LCK: variants seen among roughly 807,000 people sequenced by gnomAD.
The protein encoded by LCK is LCK proto-oncogene, Src family tyrosine kinase, also known as tyrosine-protein kinase Lck.
In LCK, 14 loss-of-function variants were observed where a neutral mutation model predicts 64.6. The observed-to-expected ratio is 0.22, with a 90% CI of 0.14 to 0.34. The LOEUF (loss-of-function observed/expected upper bound fraction) is 0.34. Ranked by LOEUF, LCK falls within the 10% of genes least tolerant of loss-of-function variation. The pLI, the probability that LCK is intolerant of heterozygous loss-of-function variation, is 1.00. For missense variants in LCK, 434 were observed against 668.1 expected (o/e 0.65, Z 3.86); for synonymous variants, 277 against 263.6 (o/e 1.05, Z -0.49).
chr1:32,257,888 A>G (rs895822264), intron 1 of LCK, among the ~76,000 whole-genome samples: 2 of 152,182 alleles, frequency 1.3e-5, no homozygotes, highest in African/African-American at 4.8e-5. Context: ...TTCTATGTTC[A>G]AGACACTCCC....
intron 1 of LCK, among the ~76,000 whole-genome samples, chr1:32,260,162 C>A (rs1396119202): frequency 2.0e-5 from 3 of 151,974 alleles, no homozygotes; most frequent in Non-Finnish European, 4.4e-5. Flanking sequence ...CAGGTGTGCA[C>A]CACCACGTTC....
At chr1:32,281,993 C>A (rs1439367620) in intron 12 of LCK, among the ~76,000 whole-genome samples, 1 of 152,126 alleles carries the variant, frequency 6.6e-6, no homozygotes, top group Non-Finnish European at 1.5e-5. Context: ...TTGCTTGAAC[C>A]CAGGAGGCAG....
chr1:32,280,016 G>T (rs762679723), intron 11 of LCK, 22 bp downstream of exon 11: 29 of 1,613,844 alleles, frequency 1.8e-5, no homozygotes, highest in Non-Finnish European at 2.5e-5. Context: ...ATTTAAGGGT[G>T]GTCTGGGCCC....
At chr1:32,253,692 C>A (rs1015517433) in intron 1 of LCK, among the ~76,000 whole-genome samples, 3 of 152,164 alleles carry the variant, frequency 2.0e-5, no homozygotes, top group Admixed American at 6.5e-5. Flanking sequence ...CCTTGGTGGG[C>A]CAGTGAACCA....
chr1:32,273,780 T>C (rs919276953), intron 1 of LCK, among the ~76,000 whole-genome samples: 1 of 152,080 alleles, frequency 6.6e-6, no homozygotes, highest in Non-Finnish European at 1.5e-5. Context: ...CCCTGTGAGA[T>C]GACTGTGGGC....
intron 1 of LCK, among the ~76,000 whole-genome samples, chr1:32,272,700 TTAAG>T (rs1226533948): frequency 1.3e-5 from 2 of 150,152 alleles, no homozygotes; most frequent in Non-Finnish European, 3.0e-5. Flanking sequence ...TACAAAGGCA[TTAAG>T]TAAGAAAATA....
At position 32,276,063 on chromosome 1, in the gene LCK, A is replaced by C; in HGVS notation, c.631A>C (p.Asn211His). 6.2e-7 allele frequency: 1 copy of C among 1,613,812 alleles called. No homozygotes were observed. Among genetic ancestry groups the C allele is most frequent in the African/African-American group, 1.3e-5 (1 of 74,946 alleles). The change falls in exon 7 of 13, where the codon AAT (asparagine) becomes CAT (histidine). Residue 211 changes from asparagine (N) to histidine (H), a missense_variant and splice_region_variant. Physicochemically the swap from Asn to His is moderately conservative, Grantham distance 68. Around this residue, in one of 2 missense-constraint regions of LCK, gnomAD observed 233 missense variants for 291.2 expected, o/e 0.80. Transcript: ENST00000336890. The surrounding 1 kb of genome is among the most constrained non-coding windows in gnomAD (Gnocchi z 4.6). ...GCATGAACTGGTCCGCCATTACACCAGTGAGCCCGACGGGACCCCTCCCCC... is the reference window on the plus strand; with the variant it reads ...GCATGAACTGGTCCGCCATTACACCCGTGAGCCCGACGGGACCCCTCCCCC... ...GLHELVRHYT[N>H]ASDGLCTRLS... is the part of the protein sequence containing the mutation.
chr1:32,271,842 C>T (rs980392823), intron 1 of LCK, among the ~76,000 whole-genome samples: 1 of 152,164 alleles, frequency 6.6e-6, no homozygotes, highest in Admixed American at 6.6e-5. Context: ...TGAACCCCCA[C>T]TCTCATCAAA....
chr1:32,255,671 C>A (rs1639612387), intron 1 of LCK, among the ~76,000 whole-genome samples: 1 of 152,126 alleles, frequency 6.6e-6, no homozygotes, highest in Non-Finnish European at 1.5e-5. Flanking sequence ...AATGAAGTGA[C>A]CCACCAGAGG....
chr1:32,275,769 C>T lies in LCK; in HGVS notation c.481+97C>T, dbSNP rs1259735633. The T allele has an allele frequency of 3.8e-6, 5 of 1,331,618 alleles. No individual in the cohort carries two copies. In the African/African-American group the frequency reaches 6.9e-5, roughly 18 times the overall value. The allele number at this position is 1,331,618 out of a possible 1,614,324, so 82.5% of individuals were successfully genotyped here. On this transcript the variant is annotated intron_variant, in intron 6 of 12. Coordinates refer to ENST00000336890, the MANE Select transcript of LCK (RefSeq NM_005356.5). This position sits in a 1 kb window ranked among gnomAD's most constrained non-coding sequence, Gnocchi z 6.9. ...CCCGAGGTGGAGACACGGGGTGAGT[C>T]GGAGGGGGACGCGGGATGAGCCCGA...
At chr1:32,263,739 C>T (rs1396769109) in intron 1 of LCK, among the ~76,000 whole-genome samples, 4 of 151,994 alleles carry the variant, frequency 2.6e-5, no homozygotes, top group African/African-American at 9.7e-5. Context: ...GGTGAAACCC[C>T]ATCATTACAA....
intron 12 of LCK, among the ~76,000 whole-genome samples, chr1:32,283,031 C>G (rs1445053330): frequency 6.6e-6 from 1 of 151,892 alleles, no homozygotes; most frequent in East Asian, 1.9e-4. Context: ...GTGGGTCACG[C>G]CTGCAACCCA....
Position 32,276,199 on chromosome 1 carries a change from C to T in LCK, c.631+136C>T, listed in dbSNP as rs1349982411. ...TGAGGTGTGGAACCTGACCCTACGG[C>T]CCCAAGTGTTTGGGTGACAGCCCCA... On this transcript the variant is annotated intron_variant, in intron 7 of 12. Coordinates refer to ENST00000336890, the MANE Select transcript of LCK (RefSeq NM_005356.5). This position sits in a 1 kb window ranked among gnomAD's most constrained non-coding sequence, Gnocchi z 4.6. The T allele has an allele frequency of 2.8e-6, 4 of 1,445,762 alleles. No homozygotes were observed. The African/African-American group carries it at 4.2e-5, about 15-fold the overall frequency. 89.6% of individuals were successfully genotyped at this position (1,445,762 alleles called of 1,614,324 possible). A position where few individuals can be genotyped will look rare whatever the true frequency, so the allele number is the denominator to read the frequency against.
Position 32,275,037 on chromosome 1 carries a change from G to A in LCK, c.232G>A (p.Gly78Arg). The change falls in exon 4 of 13, where the codon GGA becomes AGA. Residue 78 changes from glycine (G) to arginine (R), a missense_variant. Physicochemically the swap from Gly to Arg is moderately radical, Grantham distance 125. This residue lies in a region of LCK where 233 missense variants were observed against 291.2 expected (regional missense o/e 0.80). Coordinates refer to ENST00000336890, the MANE Select transcript of LCK (RefSeq NM_005356.5). The surrounding 1 kb of genome is among the most constrained non-coding windows in gnomAD (Gnocchi z 6.9). Reference sequence around the variant, plus strand: ...GCACAGCTATGAGCCCTCTCACGACGGAGATCTGGGCTTTGAGAAGGGGGA... The same window carrying A: ...GCACAGCTATGAGCCCTCTCACGACAGAGATCTGGGCTTTGAGAAGGGGGA... Reference protein sequence around the residue: ...ALHSYEPSHDGDLGFEKGEQL... With the variant: ...ALHSYEPSHDRDLGFEKGEQL... 2 of 1,614,138 alleles carry A rather than the reference G, an allele frequency of 1.2e-6. No homozygotes were observed. Among genetic ancestry groups the A allele is most frequent in the Non-Finnish European group, 1.7e-6 (2 of 1,180,022 alleles).
intron 1 of LCK, among the ~76,000 whole-genome samples, chr1:32,262,543 C>T (rs1467177042): frequency 6.6e-6 from 1 of 151,372 alleles, no homozygotes; most frequent in Non-Finnish European, 1.5e-5. Flanking sequence ...CTGCCTCAGC[C>T]TCCTGAGTAG....
At position 32,279,761 on chromosome 1, in the gene LCK, G is replaced by A. The variant is rs1317963299; in HGVS notation, c.1041+14G>A. On this transcript the variant is annotated intron_variant, in intron 10 of 12. Coordinates refer to ENST00000336890, the MANE Select transcript of LCK (RefSeq NM_005356.5). ...ATGGCAGCCCAAGTAAGGAGACTGG[G>A]GAGGGGGGCTGGGCAAGGGAACAGA... 6.2e-7 allele frequency: 1 copy of A among 1,609,744 alleles called. No homozygotes were observed. Among genetic ancestry groups the A allele is most frequent in the Non-Finnish European group, 8.5e-7 (1 of 1,176,518 alleles).
chr1:32,276,926 C>A lies in LCK; in HGVS notation c.964+140C>A, dbSNP rs1640295557. On this transcript the variant is annotated intron_variant, in intron 9 of 12. Transcript: ENST00000336890. The surrounding 1 kb of genome is among the most constrained non-coding windows in gnomAD (Gnocchi z 4.6). ...AGCTTTCCTGCCCCCTGGAGACTCACCTCCAGCCGGGCGCGGTGGCTCAGG... is the reference window on the plus strand; with the variant it reads ...AGCTTTCCTGCCCCCTGGAGACTCAACTCCAGCCGGGCGCGGTGGCTCAGG... The A allele has an allele frequency of 8.9e-6, 8 of 901,632 alleles. No homozygotes were observed. The Admixed American group carries it at 1.3e-4, about 15-fold the overall frequency. 55.9% of individuals were successfully genotyped at this position (901,632 alleles called of 1,614,324 possible).
chr1:32,255,194 A>G (rs2124301713), intron 1 of LCK, among the ~76,000 whole-genome samples: 1 of 152,234 alleles, frequency 6.6e-6, no homozygotes, highest in South Asian at 2.1e-4. Flanking sequence ...ACCGGGACTC[A>G]CTTCACAACT....
At chr1:32,258,602 A>T (rs1639686013) in intron 1 of LCK, among the ~76,000 whole-genome samples, 1 of 151,830 alleles carries the variant, frequency 6.6e-6, no homozygotes, top group Non-Finnish European at 1.5e-5. Flanking sequence ...CAACATAGTG[A>T]AACTAAAATT....
Sources: gnomAD v4.1 joint callset for allele counts (sites outside exome capture counted in the v4.1 genomes callset) on GRCh38, gnomAD v4.1.1 for gene constraint, gnomAD v4.1.1 regional missense constraint, Gnocchi (gnomAD v3.1) non-coding constraint, MANE v1.5 for transcripts, NCBI Gene and HGNC (gene_info 2026-07-23, HGNC 2026-07-21) for gene names.